The following MAP3K1 variants were observed in gnomAD, a reference collection of about 807,000 sequenced individuals.
The protein encoded by MAP3K1 is MAP/ERK kinase kinase 1.
A neutral mutation model predicts 144.2 loss-of-function variants in MAP3K1; 36 were observed. The observed-to-expected ratio is 0.25, with a 90% CI of 0.19 to 0.33. MAP3K1 has a LOEUF of 0.33. Among genes scored for constraint, MAP3K1 ranks in the 10% least tolerant of loss-of-function variants. The pLI is 1.00. For missense variants in MAP3K1, 1,650 were observed against 1,881.9 expected (o/e 0.88, Z 2.28); for synonymous variants, 718 against 688.7 (o/e 1.04, Z -0.67).
chr5:56,841,084 G>C (rs1033200176), intron 1 of MAP3K1, among the ~76,000 whole-genome samples: 2 of 151,846 alleles, frequency 1.3e-5, no homozygotes, highest in Non-Finnish European at 2.9e-5. Flanking sequence ...TGCCATATTG[G>C]CTGGGCAAGG....
chr5:56,883,489 C>G (rs866217819), intron 14 of MAP3K1, 38 bp from the exon 15 acceptor site: 2 of 1,605,064 alleles, frequency 1.2e-6, no homozygotes, highest in Non-Finnish European at 1.7e-6. Context: ...AATCTTACTC[C>G]TTTAACAGTA....
At position 56,875,240 on chromosome 5, in the gene MAP3K1, T is replaced by G; in HGVS notation, c.1895T>G (p.Val632Gly). ...CAGACCAGTATCTCAGGAGATGTGG[T>G]GGAGGCATGCTGCAGCGTTCTGTCA... ...SSQTSISGDV[V>G]EACCSVLSMV... Residue 632 changes from valine (V) to glycine (G), a missense_variant, in exon 10 of 20, where the codon GTG (valine) becomes GGG (glycine). Val to Gly is a moderately radical substitution (Grantham distance 109, BLOSUM62 -3). Around this residue, in one of 6 missense-constraint regions of MAP3K1, gnomAD observed 841 missense variants for 886.5 expected, o/e 0.95. Transcript: ENST00000399503. 1 of 1,614,120 alleles carries G rather than the reference T, an allele frequency of 6.2e-7. No individual in the cohort carries two copies. The highest frequency in any genetic ancestry group is 8.5e-7 in the Non-Finnish European group (1 of 1,179,990).
intron 19 of MAP3K1, among the ~76,000 whole-genome samples, chr5:56,891,981 T>C (rs1382639192): frequency 6.6e-6 from 1 of 152,204 alleles, no homozygotes; most frequent in African/African-American, 2.4e-5. Flanking sequence ...TGCCTCCAGC[T>C]TTGTTCTTTT....
chr5:56,877,413 A>C (rs149776302), intron 10 of MAP3K1, among the ~76,000 whole-genome samples: 104 of 152,190 alleles, frequency 6.8e-4, no homozygotes, highest in African/African-American at 2.4e-3. Context: ...ACCAGGCTCC[A>C]TGGAGGCAGA....
intron 1 of MAP3K1, among the ~76,000 whole-genome samples, chr5:56,831,225 G>C (rs926614064): frequency 2.7e-5 from 4 of 147,532 alleles, no homozygotes; most frequent in African/African-American, 1.0e-4. Flanking sequence ...GTGAATTTGA[G>C]GTTCAGAGAC....
chr5:56,831,190 T>G (rs1581210986), intron 1 of MAP3K1, among the ~76,000 whole-genome samples: 1 of 151,602 alleles, frequency 6.6e-6, no homozygotes, highest in Admixed American at 6.6e-5. Flanking sequence ...TTGGGTTTTT[T>G]TTTTTTTTTT....
intron 2 of MAP3K1, among the ~76,000 whole-genome samples, chr5:56,857,368 A>C (rs541341325): frequency 7.9e-4 from 121 of 152,254 alleles, no homozygotes; most frequent in African/African-American, 2.7e-3. Context: ...GTCCTTTGCT[A>C]TAGGTATAAG....
chr5:56,832,114 C>A (rs1408852725), intron 1 of MAP3K1, among the ~76,000 whole-genome samples: 1 of 152,086 alleles, frequency 6.6e-6, no homozygotes, highest in Non-Finnish European at 1.5e-5. Flanking sequence ...TGAGTTTGAC[C>A]TCATCTATGA....
Position 56,882,332 on chromosome 5 carries a change from A to G in MAP3K1, c.3132A>G (p.Pro1044=), listed in dbSNP as rs1275217453. ...PENKDSDKLS[P]VFTQSRPLPS... is the part of the protein sequence containing the mutation. ...ACAAAGACTCAGATAAACTTTCCCC[A>G]GTCTTTACTCAGTCAAGACCCTTGC... is the stretch of plus-strand genomic sequence containing the variant. The change falls in exon 14 of 20, where the codon CCA becomes CCG. Residue 1044 remains proline, a synonymous_variant. Coordinates refer to ENST00000399503, the MANE Select transcript of MAP3K1 (RefSeq NM_005921.2). 1 of 1,614,074 alleles carries G rather than the reference A, an allele frequency of 6.2e-7. No homozygotes were observed. The highest frequency in any genetic ancestry group is 8.5e-7 in the Non-Finnish European group (1 of 1,180,044).
intron 1 of MAP3K1, among the ~76,000 whole-genome samples, chr5:56,838,655 C>T (rs1746725022): frequency 6.6e-6 from 1 of 152,140 alleles, no homozygotes; most frequent in African/African-American, 2.4e-5. Flanking sequence ...GAATGAAGAG[C>T]TTTTGTTTTC....
intron 1 of MAP3K1, among the ~76,000 whole-genome samples, chr5:56,826,678 G>A (rs1746325227): frequency 6.6e-6 from 1 of 152,260 alleles, no homozygotes; most frequent in Non-Finnish European, 1.5e-5. Flanking sequence ...CAGGTTGTAG[G>A]TGAGCAAGCA....
At position 56,872,626 on chromosome 5, in the gene MAP3K1, T is replaced by C; in HGVS notation, c.1424-15T>C. 6.9e-7 allele frequency: 1 copy of C among 1,459,574 alleles called. No individual in the cohort carries two copies. The allele number at this position is 1,459,574 out of a possible 1,614,324, so 90.4% of individuals were successfully genotyped here. A position where few individuals can be genotyped will look rare whatever the true frequency, so the allele number is the denominator to read the frequency against. On this transcript the variant is annotated splice_polypyrimidine_tract_variant and intron_variant, in intron 7 of 19. Coordinates refer to ENST00000399503, the MANE Select transcript of MAP3K1 (RefSeq NM_005921.2). ...ATTTACATTTTTGTAAGATTTTGTT[T>C]CTGTAATTTTTCAGGGGCAGAAGAG...
chr5:56,842,817 CTAT>C (rs1746854319), intron 1 of MAP3K1, among the ~76,000 whole-genome samples: 1 of 152,086 alleles, frequency 6.6e-6, no homozygotes, highest in Non-Finnish European at 1.5e-5. Context: ...ATGGTAGATA[CTAT>C]TATCCCCATT....
chr5:56,853,897 C>T (rs535906482), intron 1 of MAP3K1, among the ~76,000 whole-genome samples: 3 of 151,934 alleles, frequency 2.0e-5, no homozygotes, highest in Non-Finnish European at 2.9e-5. Flanking sequence ...AGTCTAAGCC[C>T]GGGGGGAACC....
At chr5:56,890,051 T>C (rs1748502991) in intron 19 of MAP3K1, among the ~76,000 whole-genome samples, 1 of 152,186 alleles carries the variant, frequency 6.6e-6, no homozygotes, top group Non-Finnish European at 1.5e-5. Flanking sequence ...TTTTTACTCA[T>C]TCCAGATTCT....
chr5:56,832,505 A>T (rs192687280), intron 1 of MAP3K1, among the ~76,000 whole-genome samples: 1 of 152,310 alleles, frequency 6.6e-6, no homozygotes, highest in Admixed American at 6.5e-5. Flanking sequence ...GTGAATTTTG[A>T]TTCCCATTTT....
rs1395868924 is a variant in MAP3K1, at chr5:56,894,761, G to A, written c.*1081G>A. ...GCATCATCTCTTTACAGTAGGCCTG[G>A]CAGATCATTTTTTAAAAAGATTATT... On this transcript the variant is annotated 3_prime_UTR_variant, in exon 20 of 20. Coordinates refer to ENST00000399503, the MANE Select transcript of MAP3K1 (RefSeq NM_005921.2). 4.3e-6 allele frequency: 1 copy of A among 231,940 alleles called. No homozygotes were observed. Among genetic ancestry groups the A allele is most frequent in the African/African-American group, 2.2e-5 (1 of 45,264 alleles). The allele number at this position is 231,940 out of a possible 1,614,324, so 14.4% of individuals were successfully genotyped here.
At chr5:56,892,557 G>A (rs1748580304) in intron 19 of MAP3K1, among the ~76,000 whole-genome samples, 1 of 152,110 alleles carries the variant, frequency 6.6e-6, no homozygotes, top group Non-Finnish European at 1.5e-5. Context: ...TCTAGTGATT[G>A]AAATAAAATA....
intron 1 of MAP3K1, among the ~76,000 whole-genome samples, chr5:56,828,843 T>C (rs1746396181): frequency 6.6e-6 from 1 of 151,942 alleles, no homozygotes; most frequent in Non-Finnish European, 1.5e-5. Flanking sequence ...TTCTTGTGTT[T>C]ATTTATAAAG....
Sources: allele counts gnomAD v4.1 joint callset (sites outside exome capture counted in the v4.1 genomes callset), GRCh38; gene constraint gnomAD v4.1.1; regional missense constraint gnomAD v4.1.1; transcripts MANE v1.5; gene names NCBI Gene and HGNC (gene_info 2026-07-23, HGNC 2026-07-21).